CHAF1A: variants seen among roughly 807,000 people sequenced by gnomAD.
CHAF1A encodes CAF-1 subunit A.
CHAF1A carries 5 observed loss-of-function variants against 93.2 expected under a neutral mutation model. That is an observed-to-expected ratio of 0.05 (90% confidence interval 0.03 to 0.11). The LOEUF (loss-of-function observed/expected upper bound fraction) is 0.11, where lower values mean the gene tolerates loss of function less well. Ranked by LOEUF, CHAF1A falls within the 10% of genes least tolerant of loss-of-function variation. The probability of loss-of-function intolerance (pLI) is 1.00; values close to 1 mark genes in which losing one functional copy is unlikely to be tolerated. For missense variants in CHAF1A, 1,102 were observed against 1,259.9 expected (o/e 0.87, Z 1.90); for synonymous variants, 504 against 510.3 (o/e 0.99, Z 0.17).
At chr19:4,425,230 G>A (rs1974060346) in intron 7 of CHAF1A, among the ~76,000 whole-genome samples, 1 of 148,496 alleles carries the variant, frequency 6.7e-6, no homozygotes, top group Non-Finnish European at 1.5e-5. Flanking sequence ...GCAATGATAT[G>A]GTTTCTCTCT....
intron 3 of CHAF1A, among the ~76,000 whole-genome samples, chr19:4,416,346 C>G (rs1049517887): frequency 5.9e-5 from 9 of 152,210 alleles, no homozygotes; most frequent in Non-Finnish European, 1.2e-4. Flanking sequence ...TTCACTTCTA[C>G]TAGTTTGGTT....
chr19:4,416,245 T>C (rs957265472), intron 3 of CHAF1A, among the ~76,000 whole-genome samples: 5 of 152,056 alleles, frequency 3.3e-5, no homozygotes, highest in Non-Finnish European at 5.9e-5. Context: ...GGGCCTTTGG[T>C]TTTTCAGTCA....
In CHAF1A at chr19:4,427,111, G is replaced by A. The variant is rs1237901157; in HGVS notation, c.1378-1553G>A. On this transcript the variant is annotated intron_variant, in intron 7 of 14. Transcript: ENST00000301280. Reference sequence around the variant, plus strand: ...ATCTCAGAAAAAAAAAAGAGGAGTTGTGATCTTTCAAAAAAAGACCCTGTC... The same window carrying A: ...ATCTCAGAAAAAAAAAAGAGGAGTTATGATCTTTCAAAAAAAGACCCTGTC... Among the ~76,000 whole-genome samples, 3 of 103,866 alleles carry A rather than the reference G, an allele frequency of 2.9e-5. No homozygotes were observed. The East Asian group carries it at 1.1e-3, about 38-fold the overall frequency. 68.1% of individuals were successfully genotyped at this position (103,866 alleles called of 152,430 possible).
intron 13 of CHAF1A, among the ~76,000 whole-genome samples, chr19:4,437,512 A>C (rs1174914318): frequency 2.6e-5 from 4 of 152,004 alleles, no homozygotes; most frequent in Non-Finnish European, 5.9e-5. Context: ...CACCATGCCC[A>C]ACTAATTTTC....
downstream of CHAF1A, chr19:4,446,090 GCTT>G (rs1568187793): frequency 6.2e-7 from 1 of 1,612,766 alleles, no homozygotes; most frequent in African/African-American, 1.3e-5. Flanking sequence ...TCCTCGGACA[GCTT>G]CTGCCCTCCC....
At chr19:4,403,731 T>A (rs1973630423) in intron 1 of CHAF1A, among the ~76,000 whole-genome samples, 1 of 152,266 alleles carries the variant, frequency 6.6e-6, no homozygotes, top group Admixed American at 6.5e-5. Context: ...TGGGGCAGAT[T>A]CCGCCTTGGC....
rs550006523 is a variant in CHAF1A at position 4,432,128 on chromosome 19, A to C, written c.2124A>C (p.Ala708=). 1.8e-5 allele frequency: 29 copies of C among 1,613,710 alleles called. No individual in the cohort carries two copies. The East Asian group carries it at 5.6e-4, about 31-fold the overall frequency. The change falls in exon 12 of 15, where the codon GCA becomes GCC. Residue 708 remains alanine (A), a synonymous_variant. Transcript: ENST00000301280. The part of the protein sequence containing the change: ...GDDLKVLQQF[A]ACFLETLPAQ... ...ACCTGAAGGTACTGCAGCAGTTCGC[A>C]GCCTGCTTCCTGGAGACCCTGCCGG...
At chr19:4,447,677 C>T (rs1974566048), downstream of CHAF1A, 6 of 1,572,890 alleles carry the variant, frequency 3.8e-6, no homozygotes, top group South Asian at 5.5e-5. Flanking sequence ...GCCCACCCGG[C>T]CCCTCTGTGC....
In CHAF1A at chr19:4,415,304, T is replaced by G. The variant is rs190353846; in HGVS notation, c.961-2716T>G. Among the ~76,000 whole-genome samples the G allele has an allele frequency of 8.5e-4, 130 of 152,326 alleles. 1 individual carries two copies. The highest frequency in any genetic ancestry group is 2.9e-3 in the African/African-American group (119 of 41,558). On this transcript the variant is annotated intron_variant, in intron 3 of 14. Transcript: ENST00000301280. ...GTTTTAAATTAAGCAGTAATTGCTC[T>G]GTTTTGGTTGTTGGATATTACTGAG...
intron 2 of CHAF1A, among the ~76,000 whole-genome samples, chr19:4,406,866 G>A (rs775171736): frequency 6.6e-6 from 1 of 152,008 alleles, no homozygotes; most frequent in Non-Finnish European, 1.5e-5. Context: ...TCAAGGCTGC[G>A]GTGAATTATA....
At chr19:4,417,099 G>T (rs1973908534) in intron 3 of CHAF1A, among the ~76,000 whole-genome samples, 1 of 152,072 alleles carries the variant, frequency 6.6e-6, no homozygotes, top group African/African-American at 2.4e-5. Flanking sequence ...AGACTCCTGG[G>T]TAGCTAGGAC....
In CHAF1A at chr19:4,442,226, G is replaced by GT; in HGVS notation, c.2674-18dup. ...GCTGCTGCCTGCAGTGCTGATGGCC[G>GT]TGTACCCTGTCTGTCCAGATTGGTG... On this transcript the variant is annotated intron_variant, in intron 13 of 14. Transcript: ENST00000301280. 1 of 1,610,592 alleles carries GT rather than the reference G, an allele frequency of 6.2e-7. No homozygotes were observed. Among genetic ancestry groups the GT allele is most frequent in the South Asian group, 1.1e-5 (1 of 90,972 alleles).
At chr19:4,420,496 G>A (rs935648728) in intron 4 of CHAF1A, among the ~76,000 whole-genome samples, 3 of 152,200 alleles carry the variant, frequency 2.0e-5, no homozygotes, top group African/African-American at 7.2e-5. Flanking sequence ...GCCTGCCTCG[G>A]CTTCCCAAAG....
At chr19:4,427,136 C>CTTTTGTTTTTTTTTTT (rs1974098453) in intron 7 of CHAF1A, among the ~76,000 whole-genome samples, 2 of 31,948 alleles carry the variant, frequency 6.3e-5, no homozygotes, top group Non-Finnish European at 9.9e-5. Context: ...AAGACCCTGT[C>CTTTTGTTTTTTTTTTT]TTTTTTTTTT....
chr19:4,405,125 T>C (rs913609285), intron 1 of CHAF1A, among the ~76,000 whole-genome samples: 1 of 152,162 alleles, frequency 6.6e-6, no homozygotes, highest in Non-Finnish European at 1.5e-5. Context: ...CATGAAACAG[T>C]TCCGGTTACT....
At chr19:4,427,580 TTTTTG>T (rs1007004006) in intron 7 of CHAF1A, among the ~76,000 whole-genome samples, 10 of 149,390 alleles carry the variant, frequency 6.7e-5, no homozygotes, top group Admixed American at 2.0e-4. Flanking sequence ...GCCAAGCTAA[TTTTTG>T]TTTTGTTTTG....
chr19:4,409,076 A>G lies in CHAF1A; in HGVS notation c.277A>G (p.Asn93Asp). 1 of 1,614,250 alleles carries G rather than the reference A, an allele frequency of 6.2e-7. No individual in the cohort carries two copies. Among genetic ancestry groups the G allele is most frequent in the African/African-American group, 1.3e-5 (1 of 75,066 alleles). ...SDIDFRPKLV[N>D]GKGPLDNFLR... The stretch of plus-strand genomic sequence containing the variant: ...CATAGACTTTAGACCGAAACTTGTC[A>G]ACGGGAAGGGTCCCTTAGATAACTT... The change falls in exon 3 of 15, where the codon AAC becomes GAC. Residue 93 changes from asparagine to aspartate, a missense_variant. Asn to Asp is a conservative substitution (Grantham distance 23). Around this residue, in one of 6 missense-constraint regions of CHAF1A, gnomAD observed 379 missense variants for 365.7 expected, o/e 1.04. Coordinates refer to ENST00000301280, the MANE Select transcript of CHAF1A (RefSeq NM_005483.3).
intron 13 of CHAF1A, among the ~76,000 whole-genome samples, chr19:4,440,286 T>C (rs1460562991): frequency 1.3e-5 from 2 of 151,972 alleles, no homozygotes; most frequent in Admixed American, 1.3e-4. Context: ...CTTTCTCCTT[T>C]GGTGAAAGCA....
intron 7 of CHAF1A, among the ~76,000 whole-genome samples, chr19:4,427,595 G>A (rs1453395739): frequency 6.7e-6 from 1 of 149,840 alleles, no homozygotes; most frequent in African/African-American, 2.5e-5. Context: ...GTTTTGTTTT[G>A]TTTTGTTTTT....
Sources: gnomAD v4.1 joint callset for allele counts (sites outside exome capture counted in the v4.1 genomes callset) on GRCh38, gnomAD v4.1.1 for gene constraint, gnomAD v4.1.1 regional missense constraint, MANE v1.5 for transcripts, NCBI Gene and HGNC (gene_info 2026-07-23, HGNC 2026-07-21) for gene names.